The following MRTFB variants were observed in gnomAD, a reference collection of about 807,000 sequenced individuals.
MRTFB encodes myocardin-related transcription factor B.
Under a neutral mutation model 104.2 loss-of-function variants are expected in MRTFB, and 29 were observed. The observed-to-expected ratio is 0.28, with a 90% CI of 0.21 to 0.38. The LOEUF (loss-of-function observed/expected upper bound fraction) is 0.38. Ranked by LOEUF, MRTFB falls within the 10% of genes least tolerant of loss-of-function variation. The probability of loss-of-function intolerance (pLI) is 1.00; values close to 1 mark genes in which losing one functional copy is unlikely to be tolerated. For missense variants in MRTFB, 1,270 were observed against 1,341.6 expected, an observed-to-expected ratio of 0.95 and a Z score of 0.83; for synonymous variants, 535 against 519.5, an observed-to-expected ratio of 1.03 and a Z score of -0.41.
intron 3 of MRTFB, chr16:14,195,505 AT>A: frequency 1.0e-6 from 1 of 985,358 alleles, no homozygotes; most frequent in African/African-American, 1.7e-5. Flanking sequence ...CCATTCCTGA[AT>A]CCACAAAATG....
At chr16:14,197,655 T>C (rs1012071535) in intron 3 of MRTFB, among the ~76,000 whole-genome samples, 1 of 152,220 alleles carries the variant, frequency 6.6e-6, no homozygotes, top group African/African-American at 2.4e-5. Flanking sequence ...TTAAAACTTA[T>C]ATATATGGTA....
At chr16:14,109,310 A>G (rs2036153550) in intron 2 of MRTFB, among the ~76,000 whole-genome samples, 1 of 152,226 alleles carries the variant, frequency 6.6e-6, no homozygotes, top group Non-Finnish European at 1.5e-5. Flanking sequence ...ACTTAGTCAC[A>G]AAAGAGAATG....
intron 2 of MRTFB, among the ~76,000 whole-genome samples, chr16:14,124,048 C>T (rs1468764540): frequency 6.6e-6 from 1 of 152,140 alleles, no homozygotes; most frequent in Non-Finnish European, 1.5e-5. Flanking sequence ...TGGGAGTTCA[C>T]TCATGATTTG....
the MRTFB span, among the ~76,000 whole-genome samples, chr16:14,052,363 G>T: frequency 6.6e-6 from 1 of 152,116 alleles, no homozygotes; most frequent in Non-Finnish European, 1.5e-5. Flanking sequence ...GATCACATCG[G>T]GGTATTTAAA....
chr16:14,011,020 A>G, the MRTFB span, among the ~76,000 whole-genome samples: 1 of 152,224 alleles, frequency 6.6e-6, no homozygotes, highest in Non-Finnish European at 1.5e-5. Context: ...CCCCAGGCAT[A>G]AGGTGAAGAT....
chr16:14,069,872 C>T (rs934357541), upstream of MRTFB, among the ~76,000 whole-genome samples: 2 of 152,218 alleles, frequency 1.3e-5, no homozygotes, highest in East Asian at 3.8e-4. Flanking sequence ...AAATAGACAG[C>T]ACCTGGAGCA....
At chr16:14,221,029 A>T (rs1231778589) in intron 8 of MRTFB, among the ~76,000 whole-genome samples, 1 of 152,228 alleles carries the variant, frequency 6.6e-6, no homozygotes, top group African/African-American at 2.4e-5. Context: ...TATTCATGTA[A>T]TTAAAGAAGC....
chr16:14,115,238 C>G (rs1382271362), intron 2 of MRTFB, among the ~76,000 whole-genome samples: 1 of 152,182 alleles, frequency 6.6e-6, no homozygotes, highest in Non-Finnish European at 1.5e-5. Flanking sequence ...TTCTGAGCAG[C>G]AATGTCAGGA....
chr16:14,200,992 C>T, intron 3 of MRTFB: 16 of 1,454,312 alleles, frequency 1.1e-5, no homozygotes, highest in Non-Finnish European at 1.5e-5. Flanking sequence ...AGCTTATGTG[C>T]TTTGTTACAT....
chr16:14,193,385 C>T (rs1187872924), intron 3 of MRTFB, among the ~76,000 whole-genome samples: 1 of 151,844 alleles, frequency 6.6e-6, no homozygotes, highest in African/African-American at 2.4e-5. Flanking sequence ...GACTTGCTCT[C>T]CCTCATCTCT....
At chr16:14,087,722 T>G (rs1449307346) in intron 2 of MRTFB, among the ~76,000 whole-genome samples, 1 of 152,210 alleles carries the variant, frequency 6.6e-6, no homozygotes, top group East Asian at 1.9e-4. Flanking sequence ...CACTCAAACA[T>G]TAATTGCTGT....
intron 10 of MRTFB, chr16:14,241,093 T>C (rs2042747414): frequency 2.9e-6 from 1 of 348,472 alleles, no homozygotes; most frequent in Non-Finnish European, 5.1e-6. Flanking sequence ...GACTTGAAGC[T>C]GGGCAGAAGA....
intron 3 of MRTFB, among the ~76,000 whole-genome samples, chr16:14,161,874 C>T (rs920115446): frequency 4.6e-5 from 7 of 151,950 alleles, no homozygotes; most frequent in African/African-American, 1.7e-4. Flanking sequence ...AGAAAAATAC[C>T]GGATTTTGTC....
chr16:14,022,405 T>G, the MRTFB span, among the ~76,000 whole-genome samples: 668 of 152,268 alleles, frequency 4.4e-3, 4 homozygotes, highest in African/African-American at 0.015. Flanking sequence ...GCAAAAAGCA[T>G]TTCTTTTTTT....
rs1396276126 is a variant in MRTFB at position 14,248,936 on chromosome 16, A to C, written c.2258A>C (p.Gln753Pro). ...CAATTCACCTCCTAGACTTCACCAC[A>C]AGCAGGAATGCAGACTCAGCCTCAG... ...VGSLKLQTSP[Q>P]AGMQTQPQIA... The change falls in exon 13 of 17, where the codon CAA becomes CCA. Residue 753 changes from glutamine (Q) to proline (P), a missense_variant. By Grantham distance (76) the Gln-to-Pro change is moderately conservative. This residue lies in a region of MRTFB where 1,144 missense variants were observed against 1,131.5 expected (regional missense o/e 1.01). Transcript: ENST00000571589. 6.2e-7 allele frequency: 1 copy of C among 1,613,588 alleles called. No homozygotes were observed. Among genetic ancestry groups the C allele is most frequent in the Non-Finnish European group, 8.5e-7 (1 of 1,179,892 alleles).
chr16:14,074,663 AATT>A (rs1228323779), intron 1 of MRTFB, among the ~76,000 whole-genome samples: 1 of 152,174 alleles, frequency 6.6e-6, no homozygotes, highest in Non-Finnish European at 1.5e-5. Flanking sequence ...AATATGTAAA[AATT>A]ATTACATAAT....
intron 3 of MRTFB, among the ~76,000 whole-genome samples, chr16:14,162,040 G>A (rs2039057948): frequency 6.6e-6 from 1 of 150,468 alleles, no homozygotes; most frequent in Non-Finnish European, 1.5e-5. Flanking sequence ...TTTTGGTCAG[G>A]CATGGTGGCT....
At chr16:14,210,861 T>G (rs1303091260) in intron 4 of MRTFB, among the ~76,000 whole-genome samples, 2 of 152,232 alleles carry the variant, frequency 1.3e-5, no homozygotes, top group Non-Finnish European at 2.9e-5. Flanking sequence ...CAGAAATTTT[T>G]GAGAGTTGAT....
At chr16:14,220,890 G>C (rs924752530) in intron 8 of MRTFB, among the ~76,000 whole-genome samples, 6 of 152,136 alleles carry the variant, frequency 3.9e-5, no homozygotes, top group Non-Finnish European at 8.8e-5. Flanking sequence ...CTGTAGCTTT[G>C]CCTGTTAAAT....
Sources: gnomAD v4.1 joint callset for allele counts (sites outside exome capture counted in the v4.1 genomes callset) on GRCh38, gnomAD v4.1.1 for gene constraint, gnomAD v4.1.1 regional missense constraint, MANE v1.5 for transcripts, NCBI Gene and HGNC (gene_info 2026-07-23, HGNC 2026-07-21) for gene names.